The following PSMC1 variants were observed in gnomAD, a reference collection of about 807,000 sequenced individuals.
The protein encoded by PSMC1 is proteasome 26S subunit, ATPase 1, also known as 26S proteasome regulatory subunit 4.
Under a neutral mutation model 49.8 loss-of-function variants are expected in PSMC1, and 5 were observed. The ratio of observed to expected loss-of-function variants is 0.10; its 90% confidence interval spans 0.05 to 0.21. The LOEUF (loss-of-function observed/expected upper bound fraction) is 0.21. Among genes scored for constraint, PSMC1 ranks in the 10% least tolerant of loss-of-function variants. The probability of loss-of-function intolerance (pLI) is 1.00; values close to 1 mark genes in which losing one functional copy is unlikely to be tolerated. For synonymous variants in PSMC1, 155 were observed against 192.1 expected (o/e 0.81, Z 1.60); for missense variants, 181 against 535.7 (o/e 0.34, Z 6.54).
intron 3 of PSMC1, among the ~76,000 whole-genome samples, chr14:90,262,515 G>C (rs192349649): frequency 7.9e-4 from 120 of 152,238 alleles, no homozygotes; most frequent in Admixed American, 1.8e-3. Context: ...ATATTTATCT[G>C]TAAAAATGAT....
intron 4 of PSMC1, 90 bp downstream of exon 4, chr14:90,263,532 T>C (rs1566672668): frequency 1.4e-6 from 2 of 1,461,374 alleles, no homozygotes; most frequent in Non-Finnish European, 1.9e-6. Context: ...TAGCTGAACC[T>C]GTCCAGGCTT....
intron 7 of PSMC1, among the ~76,000 whole-genome samples, chr14:90,267,289 G>A (rs558561849): frequency 6.6e-6 from 1 of 151,946 alleles, no homozygotes; most frequent in East Asian, 1.9e-4. Context: ...AGCCTCCCGA[G>A]TAGCTAGGAT....
In PSMC1 at chr14:90,273,069, C is replaced by T. The variant is rs1308214742; in HGVS notation, c.*662C>T. On this transcript the variant is annotated 3_prime_UTR_variant, in exon 11 of 11. Transcript: ENST00000261303. ...GGTGTTCAGAAACATGTCAGAACTT[C>T]CCCTTCCCTTTCTCCGTCTATTTCC... 1 of 152,190 alleles carries T rather than the reference C, an allele frequency of 6.6e-6. No homozygotes were observed. Among genetic ancestry groups the T allele is most frequent in the Admixed American group, 6.5e-5 (1 of 15,278 alleles). 9.4% of individuals were successfully genotyped at this position (152,190 alleles called of 1,614,324 possible).
chr14:90,268,143 A>C lies in PSMC1; in HGVS notation c.692-81A>C. On this transcript the variant is annotated intron_variant, in intron 7 of 10. Coordinates refer to ENST00000261303, the MANE Select transcript of PSMC1 (RefSeq NM_002802.3). ...GCCCGCCTGTTTTTGGTGTCCATTT[A>C]AGGTGGTAATGATACGAGTTTTTAA... The C allele has an allele frequency of 5.9e-6, 7 of 1,191,828 alleles. No homozygotes were observed. The East Asian group carries it at 1.0e-4, about 17-fold the overall frequency. The allele number at this position is 1,191,828 out of a possible 1,614,324, so 73.8% of individuals were successfully genotyped here. A position where few individuals can be genotyped will look rare whatever the true frequency, so the allele number is the denominator to read the frequency against.
At position 90,272,036 on chromosome 14, in the gene PSMC1, G is replaced by C. The variant is rs1891681997; in HGVS notation, c.1189-237G>C. The C allele has an allele frequency of 3.0e-6, 1 of 330,392 alleles. No individual in the cohort carries two copies. The highest frequency in any genetic ancestry group is 2.8e-5 in the South Asian group (1 of 35,602). 20.5% of individuals were successfully genotyped at this position (330,392 alleles called of 1,614,324 possible). A position where few individuals can be genotyped will look rare whatever the true frequency, so the allele number is the denominator to read the frequency against. On this transcript the variant is annotated intron_variant, in intron 10 of 10. Transcript: ENST00000261303. This position sits in a 1 kb window ranked among gnomAD's most constrained non-coding sequence, Gnocchi z 4.5. The stretch of plus-strand genomic sequence containing the variant: ...GCCTCCCGAGTAGCTAGGATTACAG[G>C]TGCCTGCCACCGTCCCTGGCTAACT...
intron 1 of PSMC1, among the ~76,000 whole-genome samples, chr14:90,258,163 C>A (rs1891331922): frequency 6.6e-6 from 1 of 152,126 alleles, no homozygotes; most frequent in South Asian, 2.1e-4. Flanking sequence ...TGACAACAGG[C>A]AAGTCATTTA....
chr14:90,265,719 C>T (rs763181127), intron 7 of PSMC1, among the ~76,000 whole-genome samples: 4 of 145,002 alleles, frequency 2.8e-5, no homozygotes, highest in Non-Finnish European at 4.5e-5. Flanking sequence ...ATTAGGTGGG[C>T]GTGGTAGTGC....
chr14:90,260,082 G>A, intron 2 of PSMC1, 33 bp from the exon 3 acceptor site: 1 of 1,078,904 alleles, frequency 9.3e-7, no homozygotes, highest in Non-Finnish European at 1.3e-6. Context: ...ATTTTCATGT[G>A]ATTTTTTTTT....
intron 1 of PSMC1, among the ~76,000 whole-genome samples, chr14:90,257,754 G>A (rs1891323515): frequency 6.6e-6 from 1 of 152,072 alleles, no homozygotes; most frequent in Admixed American, 6.5e-5. Context: ...CACTACGCCC[G>A]GCTAATTTTT....
chr14:90,261,284 T>C (rs114583024), intron 3 of PSMC1, among the ~76,000 whole-genome samples: 83,326 of 151,554 alleles, frequency 0.55, 23,535 homozygotes, highest in Middle Eastern at 0.72. Context: ...CCTCCCCAAA[T>C]GCTCATCTAA....
At chr14:90,270,654 G>A (rs1008737557) in intron 10 of PSMC1, 1 of 247,856 alleles carries the variant, frequency 4.0e-6, no homozygotes, top group Non-Finnish European at 7.7e-6. Context: ...CTCAGTCCCA[G>A]GTCAGGGGAA....
In PSMC1 at chr14:90,274,817, CACACACACACACACACACA is replaced by C. The variant is rs1891762633; in HGVS notation, c.*2411_*2429del. The C allele has an allele frequency of 2.4e-5, 2 of 84,436 alleles. No individual in the cohort carries two copies. Among genetic ancestry groups the C allele is most frequent in the Non-Finnish European group, 4.8e-5 (2 of 41,798 alleles). 5.2% of individuals were successfully genotyped at this position (84,436 alleles called of 1,614,324 possible). ...ACACACACACACACACACACACACA[CACACACACACACACACACA>C]CACCCCAATACATATGAATTGATCT... On this transcript the variant is annotated 3_prime_UTR_variant, in exon 11 of 11. Transcript: ENST00000261303.
rs1212866730 is a variant in PSMC1, at chr14:90,269,433, GC to G, written c.919del (p.Arg307GlufsTer7). On this transcript the variant is annotated frameshift_variant, in exon 9 of 11. Transcript: ENST00000261303. LOFTEE classifies it high-confidence loss of function. ...ATTCTGGTGGTGAGAGAGAAATTCAGCGAACAATGTTGGAACTGCTGAACCA... is the reference window on the plus strand; with the variant it reads ...ATTCTGGTGGTGAGAGAGAAATTCAGGAACAATGTTGGAACTGCTGAACCA... ...SNSGGEREIQ[R>X]TMLELLNQLD... 1.2e-6 allele frequency: 2 copies of G among 1,609,764 alleles called. No individual in the cohort carries two copies. The highest frequency in any genetic ancestry group is 2.7e-5 in the African/African-American group (2 of 74,622).
chr14:90,262,732 T>C (rs1370776594), intron 3 of PSMC1, among the ~76,000 whole-genome samples: 1 of 150,446 alleles, frequency 6.6e-6, no homozygotes, highest in Non-Finnish European at 1.5e-5. Flanking sequence ...TGCAATGAGC[T>C]GAGATCGCGC....
rs776767779 is a variant in PSMC1 at position 90,256,586 on chromosome 14, G to T, written c.-12G>T. On this transcript the variant is annotated 5_prime_UTR_variant, in exon 1 of 11. Transcript: ENST00000261303. ...AACTTCCGGCAGCGGCAGCTCAAGT[G>T]GCCAAGGCAAGATGGTGAGTGACTA... 47 of 1,588,324 alleles carry T rather than the reference G, an allele frequency of 3.0e-5. No homozygotes were observed. The highest frequency in any genetic ancestry group is 8.9e-5 in the Admixed American group (5 of 56,106).
intron 7 of PSMC1, 159 bp from the exon 8 acceptor site, chr14:90,268,065 T>C (rs1247973648): frequency 5.1e-6 from 3 of 586,174 alleles, no homozygotes; most frequent in African/African-American, 1.9e-5. Context: ...CTTATCTACT[T>C]AGGAGAATGG....
intron 7 of PSMC1, among the ~76,000 whole-genome samples, chr14:90,266,414 C>T (rs184675761): frequency 6.6e-6 from 1 of 152,318 alleles, no homozygotes; most frequent in South Asian, 2.1e-4. Context: ...GGGGTACCCA[C>T]AATGGAGAGA....
chr14:90,259,948 A>C (rs576957596), intron 2 of PSMC1, among the ~76,000 whole-genome samples, 167 bp from the exon 3 acceptor site: 1 of 152,152 alleles, frequency 6.6e-6, no homozygotes, highest in Non-Finnish European at 1.5e-5. Context: ...AATCATATTT[A>C]CTTATTAAAA....
Position 90,270,422 on chromosome 14 carries a change from T to C in PSMC1, c.1188+70T>C, listed in dbSNP as rs1478949713. 4 of 1,514,788 alleles carry C rather than the reference T, an allele frequency of 2.6e-6. No homozygotes were observed. The South Asian group carries it at 3.7e-5, about 14-fold the overall frequency. The allele number at this position is 1,514,788 out of a possible 1,614,324, so 93.8% of individuals were successfully genotyped here. On this transcript the variant is annotated intron_variant, in intron 10 of 10. Coordinates refer to ENST00000261303, the MANE Select transcript of PSMC1 (RefSeq NM_002802.3). ...CAATCAGGAAAGAGTCTATATGTGC[T>C]CTTGGGATGGTGGTTGGCCTGGACA...
Sources: gnomAD v4.1 joint callset for allele counts (sites outside exome capture counted in the v4.1 genomes callset) on GRCh38, gnomAD v4.1.1 for gene constraint, Gnocchi (gnomAD v3.1) non-coding constraint, MANE v1.5 for transcripts, NCBI Gene and HGNC (gene_info 2026-07-23, HGNC 2026-07-21) for gene names.